Variants in ADCY10 observed in about 807,000 individuals in gnomAD.
The protein encoded by ADCY10 is adenylate cyclase 10, also known as adenylate cyclase type 10.
ADCY10 carries 156 observed loss-of-function variants against 183.3 expected under a neutral mutation model. That is an observed-to-expected ratio of 0.85 (90% CI 0.75 to 0.97). ADCY10 has a LOEUF of 0.97. ADCY10 is among the 50% of genes least tolerant of loss of function. ADCY10 has a pLI of 0.00. For synonymous variants in ADCY10, 645 were observed against 670.0 expected (o/e 0.96, Z 0.58); for missense variants, 1,745 against 1,934.3 (o/e 0.90, Z 1.84).
chr1:167,828,412 A>C (rs1663472107), intron 26 of ADCY10, among the ~76,000 whole-genome samples: 1 of 152,212 alleles, frequency 6.6e-6, no homozygotes, highest in African/African-American at 2.4e-5. Flanking sequence ...ATTATCCTTT[A>C]ACATTTTTCT....
intron 6 of ADCY10, 33 bp downstream of exon 6, chr1:167,899,389 CA>C (rs771615567): frequency 6.2e-7 from 1 of 1,608,750 alleles, no homozygotes; most frequent in Admixed American, 1.7e-5. Flanking sequence ...TACAGGCTGG[CA>C]GAACTTTCTG....
At chr1:167,888,755 G>A (rs1017835817) in intron 8 of ADCY10, among the ~76,000 whole-genome samples, 27 of 151,462 alleles carry the variant, frequency 1.8e-4, no homozygotes, top group African/African-American at 6.3e-4. Flanking sequence ...GGGCGCCTGT[G>A]GTCCCAGCTA....
At position 167,851,191 on chromosome 1, in the gene ADCY10, G is replaced by T. The variant is rs190280660; in HGVS notation, c.2309-2702C>A. Among the ~76,000 whole-genome samples the T allele has an allele frequency of 4.6e-5, 7 of 151,990 alleles. No individual in the cohort carries two copies. The South Asian group carries it at 8.3e-4, about 18-fold the overall frequency. ...TTGACACTCTTTTGTTTGTTTGTTT[G>T]TTTTGTTTTTTTGAGACAGGGTCTC... On this transcript the variant is annotated intron_variant, in intron 18 of 32. Coordinates refer to ENST00000367851, the MANE Select transcript of ADCY10 (RefSeq NM_018417.6).
At chr1:167,832,127 A>T (rs1350232093) in intron 25 of ADCY10, among the ~76,000 whole-genome samples, 1 of 152,170 alleles carries the variant, frequency 6.6e-6, no homozygotes, top group East Asian at 1.9e-4. Flanking sequence ...GTAGGAATAG[A>T]TGTTTGTATC....
chr1:167,815,695 G>A (rs920471436), intron 31 of ADCY10, among the ~76,000 whole-genome samples: 2 of 152,116 alleles, frequency 1.3e-5, no homozygotes, highest in African/African-American at 4.8e-5. Context: ...CAAGTCAGAA[G>A]CAGACATGAC....
intron 1 of ADCY10, among the ~76,000 whole-genome samples, chr1:167,908,913 A>T (rs1298443986): frequency 6.6e-6 from 1 of 152,234 alleles, no homozygotes; most frequent in Non-Finnish European, 1.5e-5. Flanking sequence ...AAAAACTTTT[A>T]TTGAAGCATA....
chr1:167,813,525 A>AAAAG (rs1168898679), intron 31 of ADCY10, among the ~76,000 whole-genome samples: 1 of 152,182 alleles, frequency 6.6e-6, no homozygotes, highest in Non-Finnish European at 1.5e-5. Context: ...GAAAGAAAAG[A>AAAAG]AAAGAAAGAA....
chr1:167,871,750 TTGG>T (rs1404878308), intron 13 of ADCY10, among the ~76,000 whole-genome samples: 3 of 152,250 alleles, frequency 2.0e-5, no homozygotes, highest in Non-Finnish European at 4.4e-5. Context: ...AGTGCTTTGC[TTGG>T]TAATATACAT....
intron 31 of ADCY10, among the ~76,000 whole-genome samples, chr1:167,812,793 A>G (rs1662302496): frequency 6.6e-6 from 1 of 152,228 alleles, no homozygotes; most frequent in African/African-American, 2.4e-5. Context: ...AATAATGGAA[A>G]TAACAGTAAA....
Position 167,834,084 on chromosome 1 carries a change from C to T in ADCY10, c.3310-7G>A. 1.2e-6 allele frequency: 2 copies of T among 1,605,266 alleles called. No individual in the cohort carries two copies. Among genetic ancestry groups the T allele is most frequent in the Non-Finnish European group, 1.7e-6 (2 of 1,172,080 alleles). The stretch of plus-strand genomic sequence containing the variant: ...CATTCAAATACATGTATGCCTGTAA[C>T]CAGCCCAAGGAGTAGAAAAGTGTTG... On this transcript the variant is annotated splice_polypyrimidine_tract_variant and splice_region_variant and intron_variant, in intron 23 of 32. Coordinates refer to ENST00000367851, the MANE Select transcript of ADCY10 (RefSeq NM_018417.6).
chr1:167,850,867 G>A (rs1045816545), intron 18 of ADCY10, among the ~76,000 whole-genome samples: 2 of 152,020 alleles, frequency 1.3e-5, no homozygotes, highest in African/African-American at 4.8e-5. Flanking sequence ...TAGGATTGGG[G>A]ATTCAGGAGA....
intron 16 of ADCY10, among the ~76,000 whole-genome samples, chr1:167,857,140 C>T (rs564163609): frequency 6.6e-5 from 10 of 152,338 alleles, no homozygotes; most frequent in South Asian, 2.1e-4. Context: ...CAACCACTTA[C>T]GTAGCAGGCT....
At chr1:167,855,650 TA>T (rs1665836585) in intron 17 of ADCY10, among the ~76,000 whole-genome samples, 1 of 152,180 alleles carries the variant, frequency 6.6e-6, no homozygotes, top group Admixed American at 6.5e-5. Context: ...TAAGAAGGCG[TA>T]ACAGGGAGGC....
At chr1:167,873,308 A>G (rs1170524305) in intron 13 of ADCY10, among the ~76,000 whole-genome samples, 2 of 152,146 alleles carry the variant, frequency 1.3e-5, no homozygotes, top group Non-Finnish European at 2.9e-5. Flanking sequence ...CCTGAAAACT[A>G]CCTGAAAGCA....
rs148876518 is a variant in ADCY10 at position 167,883,318 on chromosome 1, G to A, written c.1020+119C>T. The stretch of plus-strand genomic sequence containing the variant: ...CTCCCAAAGAGCTGGGATTACAGGC[G>A]TGAGCCACCACGCCCAGCCTCTAGG... On this transcript the variant is annotated intron_variant, in intron 9 of 32. Transcript: ENST00000367851. 623 of 1,149,084 alleles carry A rather than the reference G, an allele frequency of 5.4e-4. 1 individual carries two copies. The African/African-American group carries it at 8.2e-3, about 15-fold the overall frequency. 71.2% of individuals were successfully genotyped at this position (1,149,084 alleles called of 1,614,324 possible). A position where few individuals can be genotyped will look rare whatever the true frequency, so the allele number is the denominator to read the frequency against.
chr1:167,844,710 G>A (rs1199985716), intron 21 of ADCY10, among the ~76,000 whole-genome samples: 2 of 151,970 alleles, frequency 1.3e-5, no homozygotes, highest in Non-Finnish European at 2.9e-5. Flanking sequence ...GAACGAATGA[G>A]AAAAAAAAGT....
chr1:167,828,977 A>T (rs1229296504), intron 26 of ADCY10, among the ~76,000 whole-genome samples: 2 of 152,106 alleles, frequency 1.3e-5, no homozygotes, highest in South Asian at 2.1e-4. Context: ...AAACCAGCAA[A>T]AATAATAATA....
chr1:167,824,897 G>A (rs889704627), intron 26 of ADCY10, 42 bp from the exon 27 acceptor site: 12 of 1,568,440 alleles, frequency 7.7e-6, no homozygotes, highest in Non-Finnish European at 1.1e-5. Flanking sequence ...AGAACGCAAA[G>A]CAGAAAGCTC....
rs752902327 is a variant in ADCY10 at position 167,880,131 on chromosome 1, C to T, written c.1200G>A (p.Val400=). Residue 400 remains valine, a synonymous_variant, in exon 11 of 33, where the codon GTG becomes GTA. Transcript: ENST00000367851. ...CCAGCACACCTGTGTACTCGTGTCT[C>T]ACAGTGTGTCCAACGATCCCACAGA... ...IVFCGIVGHT[V]RHEYTVIGQK... The T allele has an allele frequency of 6.1e-5, 99 of 1,612,690 alleles. No homozygotes were observed. Among genetic ancestry groups the T allele is most frequent in the Non-Finnish European group, 8.0e-5 (94 of 1,179,660 alleles).
Sources: gnomAD v4.1 joint callset for allele counts (sites outside exome capture counted in the v4.1 genomes callset) on GRCh38, gnomAD v4.1.1 for gene constraint, MANE v1.5 for transcripts, NCBI Gene and HGNC (gene_info 2026-07-23, HGNC 2026-07-21) for gene names.